Variants in CDC42BPB observed in about 807,000 individuals in gnomAD.
The protein encoded by CDC42BPB is CDC42 binding protein kinase beta.
A neutral mutation model predicts 214.9 loss-of-function variants in CDC42BPB; 37 were observed. The observed-to-expected ratio is 0.17, with a 90% CI of 0.13 to 0.23. The LOEUF is 0.23. Among genes scored for constraint, CDC42BPB ranks in the 10% least tolerant of loss-of-function variants. The pLI, the probability that CDC42BPB is intolerant of heterozygous loss-of-function variation, is 1.00. For synonymous variants in CDC42BPB, 931 were observed against 884.0 expected (o/e 1.05, Z -0.94); for missense variants, 1,694 against 2,227.0 (o/e 0.76, Z 4.82).
At chr14:103,045,340 TA>T (rs1888231269) in intron 1 of CDC42BPB, among the ~76,000 whole-genome samples, 1 of 152,174 alleles carries the variant, frequency 6.6e-6, no homozygotes, top group African/African-American at 2.4e-5. Context: ...CTCTGGAGGT[TA>T]AACACAGCTC....
intron 20 of CDC42BPB, 21 bp from the exon 21 acceptor site, chr14:102,959,731 T>C: frequency 3.1e-6 from 5 of 1,595,110 alleles, no homozygotes; most frequent in Non-Finnish European, 4.3e-6. Flanking sequence ...AAACAAAGAA[T>C]AGTCAAGGCA....
intron 5 of CDC42BPB, among the ~76,000 whole-genome samples, chr14:102,990,241 TTAAAA>T (rs1894431461): frequency 6.6e-6 from 1 of 151,266 alleles, no homozygotes; most frequent in Non-Finnish European, 1.5e-5. Context: ...GGAGATGGGG[TTAAAA>T]CAAAACAAAA....
chr14:103,032,609 A>G (rs978910864), intron 1 of CDC42BPB, among the ~76,000 whole-genome samples: 1 of 150,402 alleles, frequency 6.6e-6, no homozygotes, highest in African/African-American at 2.4e-5. Context: ...GTACAATCCA[A>G]ATGCCTATAA....
rs1421828208 is a variant in CDC42BPB at position 103,057,373 on chromosome 14, G to A, written c.-200C>T. The A allele has an allele frequency of 6.1e-6, 6 of 981,450 alleles. No homozygotes were observed. Among genetic ancestry groups the A allele is most frequent in the Non-Finnish European group, 7.3e-6 (6 of 822,768 alleles). The allele number at this position is 981,450 out of a possible 1,614,324, so 60.8% of individuals were successfully genotyped here. On this transcript the variant is annotated 5_prime_UTR_variant, in exon 1 of 37. Transcript: ENST00000361246. The stretch of plus-strand genomic sequence containing the variant: ...GACGGCGCAGAGTCTGGGGCGCCGG[G>A]CCCCGCGGGTCCATGGGCCGCTCTC...
At chr14:102,981,865 TTGA>T (rs1241955964) in intron 7 of CDC42BPB, among the ~76,000 whole-genome samples, 1 of 152,190 alleles carries the variant, frequency 6.6e-6, no homozygotes. Flanking sequence ...CAAAAAACTG[TTGA>T]TATGTAACAT....
chr14:102,945,623 C>T lies in CDC42BPB; in HGVS notation c.3811+39G>A, dbSNP rs201308419. On this transcript the variant is annotated intron_variant, in intron 29 of 36. Transcript: ENST00000361246. ...TGCTGTCTGCAGAGGCCAGGCTGGGCCTGTGACATCCCAGGCTGGAAACGC... is the reference window on the plus strand; with the variant it reads ...TGCTGTCTGCAGAGGCCAGGCTGGGTCTGTGACATCCCAGGCTGGAAACGC... The T allele has an allele frequency of 1.3e-4, 210 of 1,582,804 alleles. No homozygotes were observed. The East Asian group carries it at 4.3e-3, about 32-fold the overall frequency.
intron 5 of CDC42BPB, among the ~76,000 whole-genome samples, chr14:102,992,765 AAAAAATATATATTAAAAATATATATATTC>A (rs1245085617): frequency 2.6e-4 from 39 of 148,842 alleles, no homozygotes; most frequent in Non-Finnish European, 5.2e-4. Flanking sequence ...ATATATATTC[AAAAAATATATATTAAAAATATATATATTC>A]AAAAATATAT....
chr14:102,947,945 G>A, intron 26 of CDC42BPB, 143 bp from the exon 27 acceptor site: 2 of 1,493,916 alleles, frequency 1.3e-6, no homozygotes, highest in South Asian at 1.3e-5. Context: ...CTCCCCAGAT[G>A]TAAGAAACAC....
Position 102,933,577 on chromosome 14 carries a change from G to C in CDC42BPB, c.*135C>G. 1 of 695,190 alleles carries C rather than the reference G, an allele frequency of 1.4e-6. No individual in the cohort carries two copies. Among genetic ancestry groups the C allele is most frequent in the African/African-American group, 1.9e-5 (1 of 52,862 alleles). The allele number at this position is 695,190 out of a possible 1,614,324, so 43.1% of individuals were successfully genotyped here. ...TAAAACTGATCAATATTATAATAAA[G>C]ATTTGTCTTCTTCATCTCCATATCT... On this transcript the variant is annotated 3_prime_UTR_variant, in exon 37 of 37. Transcript: ENST00000361246.
intron 5 of CDC42BPB, among the ~76,000 whole-genome samples, chr14:102,989,641 G>A (rs892226465): frequency 6.6e-6 from 1 of 152,200 alleles, no homozygotes; most frequent in African/African-American, 2.4e-5. Flanking sequence ...GGGAGGCTGA[G>A]GTGGAAGGAT....
At chr14:102,942,888 A>G (rs1891961458) in intron 30 of CDC42BPB, among the ~76,000 whole-genome samples, 1 of 151,224 alleles carries the variant, frequency 6.6e-6, no homozygotes, top group Non-Finnish European at 1.5e-5. Context: ...TGTTTGTTTA[A>G]GACGGAGTCT....
At chr14:103,022,144 T>C (rs1274937098) in intron 1 of CDC42BPB, among the ~76,000 whole-genome samples, 7 of 152,048 alleles carry the variant, frequency 4.6e-5, no homozygotes, top group Non-Finnish European at 7.4e-5. Context: ...ATGAGGTGGC[T>C]GCGGGGAAGA....
In CDC42BPB at chr14:102,943,816, A is replaced by G; in HGVS notation, c.4408+75T>C. 1 of 1,414,764 alleles carries G rather than the reference A, an allele frequency of 7.1e-7. No homozygotes were observed. The highest frequency in any genetic ancestry group is 2.3e-5 in the East Asian group (1 of 43,698). 87.6% of individuals were successfully genotyped at this position (1,414,764 alleles called of 1,614,324 possible). On this transcript the variant is annotated intron_variant, in intron 30 of 36. Coordinates refer to ENST00000361246, the MANE Select transcript of CDC42BPB (RefSeq NM_006035.4). This position sits in a 1 kb window ranked among gnomAD's most constrained non-coding sequence, Gnocchi z 4.6. Reference sequence around the variant, plus strand: ...ACTAAGGGACTGGAAGACAAACCAAAGCAAAATCGAACACATGCTGACTGT... The same window carrying G: ...ACTAAGGGACTGGAAGACAAACCAAGGCAAAATCGAACACATGCTGACTGT...
intron 11 of CDC42BPB, 104 bp downstream of exon 11, chr14:102,975,580 C>A: frequency 8.1e-7 from 1 of 1,237,598 alleles, no homozygotes; most frequent in Middle Eastern, 2.9e-4. Flanking sequence ...AAAGCCTAAG[C>A]TTTTTTTCTG....
At chr14:102,977,150 C>T (rs1893784496) in intron 9 of CDC42BPB, among the ~76,000 whole-genome samples, 1 of 151,882 alleles carries the variant, frequency 6.6e-6, no homozygotes, top group African/African-American at 2.4e-5. Flanking sequence ...GACCATCTGG[C>T]CAATATGGTG....
rs1381665904 is a variant in CDC42BPB, at chr14:102,999,651, G to A, written c.510C>T (p.Asp170=). 2 of 1,614,168 alleles carry A rather than the reference G, an allele frequency of 1.2e-6. No individual in the cohort carries two copies. The highest frequency in any genetic ancestry group is 1.7e-6 in the Non-Finnish European group (2 of 1,180,028). Residue 170 remains aspartate (D), a synonymous_variant, in exon 5 of 37, where the codon GAC becomes GAT. Coordinates refer to ENST00000361246, the MANE Select transcript of CDC42BPB (RefSeq NM_006035.4). ...DLLTLLSKFE[D]KLPEDMARFY... ...ACCTCGCCATATCTTCCGGAAGCTT[G>A]TCTTCAAATTTGCTGAGCAGGGTCA...
At chr14:102,935,265 A>G (rs917182614) in intron 36 of CDC42BPB, among the ~76,000 whole-genome samples, 8 of 152,194 alleles carry the variant, frequency 5.3e-5, no homozygotes, top group Non-Finnish European at 1.2e-4. Context: ...GTTATAGGGT[A>G]TAAGATCAAC....
chr14:102,953,454 C>T (rs905429657), intron 23 of CDC42BPB, among the ~76,000 whole-genome samples: 1 of 152,252 alleles, frequency 6.6e-6, no homozygotes, highest in South Asian at 2.1e-4. Flanking sequence ...AAAAGCCAAA[C>T]CCTTAGGTAG....
At chr14:103,037,492 C>T (rs957195661) in intron 1 of CDC42BPB, among the ~76,000 whole-genome samples, 17 of 152,002 alleles carry the variant, frequency 1.1e-4, no homozygotes, top group African/African-American at 3.9e-4. Flanking sequence ...CGGGGCCTTG[C>T]TATGTCGCTC....
Sources: allele counts gnomAD v4.1 joint callset (sites outside exome capture counted in the v4.1 genomes callset), GRCh38; gene constraint gnomAD v4.1.1; non-coding constraint Gnocchi (gnomAD v3.1); transcripts MANE v1.5; gene names NCBI Gene and HGNC (gene_info 2026-07-23, HGNC 2026-07-21).